Variants in MMUT observed in about 807,000 individuals in gnomAD.
The protein encoded by MMUT is methylmalonyl-CoA mutase, mitochondrial.
In MMUT, 79 loss-of-function variants were observed where a neutral mutation model predicts 79.9. The observed-to-expected ratio is 0.99, with a 90% confidence interval of 0.82 to 1.19. The LOEUF is 1.19. Ranked by LOEUF, MMUT falls within the 50% of genes most tolerant of loss-of-function variation. The pLI is 0.00. For synonymous variants in MMUT, 273 were observed against 295.7 expected, an observed-to-expected ratio of 0.92 and a Z score of 0.79; for missense variants, 860 against 917.2, an observed-to-expected ratio of 0.94 and a Z score of 0.81.
intron 1 of MMUT, among the ~76,000 whole-genome samples, chr6:49,461,792 A>AT (rs1426809396): frequency 6.6e-6 from 1 of 151,946 alleles, no homozygotes; most frequent in African/African-American, 2.4e-5. Flanking sequence ...AAAACCTTCC[A>AT]TTTTTTTAAT....
chr6:49,453,264 G>A (rs796308567), intron 5 of MMUT, among the ~76,000 whole-genome samples: 22 of 151,650 alleles, frequency 1.5e-4, no homozygotes, highest in African/African-American at 2.2e-4. Flanking sequence ...TGGGTGCCTC[G>A]GCCTCCCAAA....
rs759057586 is a variant in MMUT, at chr6:49,453,645, G to A, written c.1023C>T (p.Asn341=). Residue 341 remains asparagine (N), a synonymous_variant, in exon 5 of 13, where the codon AAC becomes AAT. Coordinates refer to ENST00000274813, the MANE Select transcript of MMUT (RefSeq NM_000255.4). ...GTGCTCTTAGAAGAAGAGATTTTGA[G>A]TTTTTAGGCTGAAACATTTTCTCTA... is the stretch of plus-strand genomic sequence containing the variant. ...HLIEKMFQPK[N]SKSLLLRAHC... 6.2e-6 allele frequency: 10 copies of A among 1,612,974 alleles called. No individual in the cohort carries two copies. Among genetic ancestry groups the A allele is most frequent in the Non-Finnish European group, 8.5e-6 (10 of 1,179,456 alleles).
At chr6:49,445,706 A>T (rs544970361) in intron 8 of MMUT, among the ~76,000 whole-genome samples, 1 of 152,204 alleles carries the variant, frequency 6.6e-6, no homozygotes, top group South Asian at 2.1e-4. Flanking sequence ...AACAAGAAAA[A>T]AGTCTGTACA....
chr6:49,443,576 G>A lies in MMUT; in HGVS notation c.1676+1063C>T, dbSNP rs1043359559. ...AGGATAACTTGTTAGCTTGCAAGAA[G>A]GGTAATATTTCAGACTCCTTCTGGT... On this transcript the variant is annotated intron_variant, in intron 9 of 12. Coordinates refer to ENST00000274813, the MANE Select transcript of MMUT (RefSeq NM_000255.4). 2.0e-5 allele frequency among the ~76,000 whole-genome samples: 3 copies of A among 151,800 alleles called. 1 individual carries two copies. The highest frequency in any genetic ancestry group is 4.2e-4 in the South Asian group (2 of 4,800).
chr6:49,449,188 ATCAATTC>A (rs1318967901), intron 6 of MMUT, among the ~76,000 whole-genome samples: 1 of 152,094 alleles, frequency 6.6e-6, no homozygotes, highest in Non-Finnish European at 1.5e-5. Flanking sequence ...TTAAAGCAAC[ATCAATTC>A]TCTAATCTTT....
At chr6:49,435,698 T>A in intron 11 of MMUT, 75 bp from the exon 12 acceptor site, 1 of 1,464,210 alleles carries the variant, frequency 6.8e-7, no homozygotes, top group Admixed American at 1.9e-5. Context: ...GAAGACAATC[T>A]AGGCAATACC....
At chr6:49,453,098 G>A (rs1318005315) in intron 5 of MMUT, among the ~76,000 whole-genome samples, 1 of 141,986 alleles carries the variant, frequency 7.0e-6, no homozygotes, top group Non-Finnish European at 1.5e-5. Context: ...CTGGAGTGCA[G>A]TGGCGTCATC....
rs1767616367 is a variant in MMUT at position 49,453,706 on chromosome 6, T to G, written c.962A>C (p.Lys321Thr). ...IGMNFYMEIA[K>T]MRAGRRLWAH... ...CCAGAGTCTTCTACCAGCTCTCATC[T>G]TTGCTATTTCCATATAGAAATTCAT... Residue 321 changes from lysine (K) to threonine (T), a missense_variant, in exon 5 of 13, where the codon AAG becomes ACG. Transcript: ENST00000274813. 6.2e-7 allele frequency: 1 copy of G among 1,613,338 alleles called. No individual in the cohort carries two copies. Among genetic ancestry groups the G allele is most frequent in the African/African-American group, 1.3e-5 (1 of 74,880 alleles).
rs187189407 is a variant in MMUT at position 49,440,799 on chromosome 6, C to A, written c.1809-446G>T. On this transcript the variant is annotated intron_variant, in intron 10 of 12. Coordinates refer to ENST00000274813, the MANE Select transcript of MMUT (RefSeq NM_000255.4). ...TAAGACAAAAAATGACAACCTCCCA[C>A]CTTCGTGAGCCAGGGTACAGAGTAC... 3.7e-3 allele frequency among the ~76,000 whole-genome samples: 557 copies of A among 152,256 alleles called. 1 individual carries two copies. The highest frequency in any genetic ancestry group is 0.013 in the African/African-American group (537 of 41,566).
rs930791101 is a variant in MMUT, at chr6:49,453,874, T to G, written c.912-118A>C. The stretch of plus-strand genomic sequence containing the variant: ...GTCTATATTTTAATTTCGAAGAACT[T>G]AATTTGAATTAAGATCAGTGCACGT... On this transcript the variant is annotated intron_variant, in intron 4 of 12. Transcript: ENST00000274813. 8 of 856,906 alleles carry G rather than the reference T, an allele frequency of 9.3e-6. No homozygotes were observed. In the Admixed American group the frequency reaches 1.1e-4, roughly 12 times the overall value. 53.1% of individuals were successfully genotyped at this position (856,906 alleles called of 1,614,324 possible).
chr6:49,459,162 A>T lies in MMUT; in HGVS notation c.305T>A (p.Phe102Tyr). 6.2e-7 allele frequency: 1 copy of T among 1,614,208 alleles called. No individual in the cohort carries two copies. The highest frequency in any genetic ancestry group is 8.5e-7 in the Non-Finnish European group (1 of 1,180,014). The part of the protein sequence containing the change: ...TRGPYPTMYT[F>Y]RPWTIRQYAG... ...ATACTGGCGGATGGTCCAGGGCCTA[A>T]AGGTATACATGGTAGGATATGGTCC... Residue 102 changes from phenylalanine to tyrosine, a missense_variant, in exon 2 of 13, where the codon TTT becomes TAT. Phe to Tyr is a conservative substitution (Grantham distance 22). Transcript: ENST00000274813.
intron 12 of MMUT, among the ~76,000 whole-genome samples, chr6:49,433,669 C>A (rs1200872193): frequency 6.6e-6 from 1 of 152,044 alleles, no homozygotes; most frequent in South Asian, 2.1e-4. Context: ...GGAGAGACCA[C>A]GTTTATTCAT....
In MMUT at chr6:49,457,685, G is replaced by A. The variant is rs752875861; in HGVS notation, c.753+6C>T. On this transcript the variant is annotated splice_donor_region_variant and intron_variant, in intron 3 of 12. Transcript: ENST00000274813. ...TAGAAAAACCTATAATAACCACAAA[G>A]TATACCTTTGCTGTATATTCAAATA... The A allele has an allele frequency of 1.9e-6, 3 of 1,607,042 alleles. No homozygotes were observed.
In MMUT at chr6:49,448,806, A is replaced by C. The variant is rs1368072974; in HGVS notation, c.1444+10T>G. On this transcript the variant is annotated intron_variant, in intron 7 of 12. Transcript: ENST00000274813. ...CTGGATTTCATATATGAACTTTCTC[A>C]CTATCTTACCAGAATCTATTCTAGC... 6 of 1,589,660 alleles carry C rather than the reference A, an allele frequency of 3.8e-6. No individual in the cohort carries two copies. The highest frequency in any genetic ancestry group is 3.3e-4 in the Middle Eastern group (2 of 6,000).
chr6:49,437,401 C>T lies in MMUT; in HGVS notation c.1957-1778G>A, dbSNP rs559806539. Reference sequence around the variant, plus strand: ...CCACACAATTATACAGTATCACTACCATATAGAAAAAATAGATGGAAATAA... The same window carrying T: ...CCACACAATTATACAGTATCACTACTATATAGAAAAAATAGATGGAAATAA... On this transcript the variant is annotated intron_variant, in intron 11 of 12. Coordinates refer to ENST00000274813, the MANE Select transcript of MMUT (RefSeq NM_000255.4). 3.0e-3 allele frequency among the ~76,000 whole-genome samples: 452 copies of T among 152,012 alleles called. 1 individual carries two copies. Among genetic ancestry groups the T allele is most frequent in the African/African-American group, 7.1e-3 (295 of 41,448 alleles).
intron 4 of MMUT, among the ~76,000 whole-genome samples, chr6:49,454,069 A>G (rs1767627141): frequency 6.6e-6 from 1 of 152,194 alleles, no homozygotes; most frequent in Admixed American, 6.5e-5. Flanking sequence ...TGTATATTTT[A>G]GGAATACTCA....
At chr6:49,447,239 C>A (rs529143837) in intron 8 of MMUT, among the ~76,000 whole-genome samples, 18 of 151,936 alleles carry the variant, frequency 1.2e-4, no homozygotes, top group Non-Finnish European at 2.1e-4. Flanking sequence ...GTATCAGATG[C>A]CATCATTCTG....
chr6:49,440,142 T>C (rs1328395599), intron 11 of MMUT, 64 bp downstream of exon 11: 1 of 1,588,460 alleles, frequency 6.3e-7, no homozygotes, highest in Non-Finnish European at 8.6e-7. Context: ...ATCATTTTAC[T>C]ACATTTTCTA....
intron 2 of MMUT, among the ~76,000 whole-genome samples, chr6:49,458,406 C>A (rs1767750926): frequency 6.6e-6 from 1 of 152,100 alleles, no homozygotes; most frequent in South Asian, 2.1e-4. Flanking sequence ...TCATATATGG[C>A]AAAAATAACT....
Sources: gnomAD v4.1 joint callset for allele counts (sites outside exome capture counted in the v4.1 genomes callset) on GRCh38, gnomAD v4.1.1 for gene constraint, MANE v1.5 for transcripts, NCBI Gene and HGNC (gene_info 2026-07-23, HGNC 2026-07-21) for gene names.